SUGP1: variants seen among roughly 807,000 people sequenced by gnomAD.
SUGP1 encodes the protein SURP and G-patch domain-containing protein 1.
In SUGP1, 34 loss-of-function variants were observed where a neutral mutation model predicts 76.5. The observed-to-expected ratio is 0.44, with a 90% CI of 0.34 to 0.59. The LOEUF is 0.59. Ranked by LOEUF, SUGP1 falls within the 20% of genes least tolerant of loss-of-function variation. The pLI is 0.01. For synonymous variants in SUGP1, 326 were observed against 326.2 expected (o/e 1.00, Z 0.01); for missense variants, 752 against 851.7 (o/e 0.88, Z 1.46).
intron 2 of SUGP1, 60 bp from the exon 3 acceptor site, chr19:19,310,260 G>A (rs992161939): frequency 5.3e-6 from 7 of 1,311,324 alleles, no homozygotes; most frequent in Non-Finnish European, 7.7e-6. Flanking sequence ...GAGGGCACCA[G>A]AGGACGAGGA....
chr19:19,296,899 A>G, intron 8 of SUGP1, 90 bp downstream of exon 8: 1 of 1,139,778 alleles, frequency 8.8e-7, no homozygotes, highest in East Asian at 2.6e-5. Flanking sequence ...TTCTGATACA[A>G]GCTACACTGT....
chr19:19,289,536 T>C (rs958314236), intron 8 of SUGP1, among the ~76,000 whole-genome samples: 6 of 152,048 alleles, frequency 3.9e-5, no homozygotes, highest in African/African-American at 1.4e-4. Flanking sequence ...TCATCTGAGG[T>C]CAGGAGTTCA....
intron 7 of SUGP1, among the ~76,000 whole-genome samples, chr19:19,299,430 T>C (rs1371392729): frequency 1.3e-5 from 2 of 152,110 alleles, no homozygotes; most frequent in Non-Finnish European, 2.9e-5. Flanking sequence ...TGGAGTGCAG[T>C]GGCACAATCT....
At chr19:19,285,232 C>A (rs964582306) in intron 8 of SUGP1, among the ~76,000 whole-genome samples, 1 of 150,808 alleles carries the variant, frequency 6.6e-6, no homozygotes, top group Non-Finnish European at 1.5e-5. Flanking sequence ...GTGGAGCAAT[C>A]GTGGCTCACT....
At chr19:19,292,890 C>T (rs1014727004) in intron 8 of SUGP1, among the ~76,000 whole-genome samples, 10 of 151,746 alleles carry the variant, frequency 6.6e-5, no homozygotes, top group African/African-American at 1.5e-4. Context: ...AGTAACCACA[C>T]GATGATTTTA....
In SUGP1 at chr19:19,313,252, G is replaced by A. The variant is rs146363106; in HGVS notation, c.207-3052C>T. 6.6e-5 allele frequency among the ~76,000 whole-genome samples: 10 copies of A among 152,080 alleles called. No individual in the cohort carries two copies. The East Asian group carries it at 1.6e-3, about 24-fold the overall frequency. The stretch of plus-strand genomic sequence containing the variant: ...CTACTAAAAATACAAAAAATTAGCC[G>A]GGCGTGGTAGCGGGCACCTGTAATC... On this transcript the variant is annotated intron_variant, in intron 2 of 13. Coordinates refer to ENST00000247001, the MANE Select transcript of SUGP1 (RefSeq NM_172231.4).
intron 12 of SUGP1, 51 bp from the exon 13 acceptor site, chr19:19,277,127 G>T: frequency 1.3e-6 from 2 of 1,567,098 alleles, no homozygotes; most frequent in South Asian, 1.1e-5. Context: ...AACTCTGGCC[G>T]GGGGGCCGGG....
At chr19:19,304,832 G>A (rs369468216) in intron 4 of SUGP1, among the ~76,000 whole-genome samples, 4 of 152,210 alleles carry the variant, frequency 2.6e-5, no homozygotes, top group East Asian at 1.9e-4. Flanking sequence ...GTAGCCCAAC[G>A]AGGGCCCCTG....
chr19:19,309,936 T>C (rs191090346), intron 3 of SUGP1, among the ~76,000 whole-genome samples, 161 bp downstream of exon 3: 2 of 152,160 alleles, frequency 1.3e-5, no homozygotes, highest in South Asian at 2.1e-4. Flanking sequence ...TTATGTATTA[T>C]TTATTTATTT....
At chr19:19,277,616 C>T in intron 12 of SUGP1, 118 bp downstream of exon 12, 6 of 1,327,962 alleles carry the variant, frequency 4.5e-6, no homozygotes, top group Non-Finnish European at 6.2e-6. Flanking sequence ...CAGTGGGGTG[C>T]TGTGATCATT....
chr19:19,312,366 G>A (rs2061358720), intron 2 of SUGP1, among the ~76,000 whole-genome samples: 1 of 152,168 alleles, frequency 6.6e-6, no homozygotes, highest in Non-Finnish European at 1.5e-5. Context: ...ATAAGGCTGT[G>A]ATCACAGCAC....
At position 19,295,213 on chromosome 19, in the gene SUGP1, CTG is replaced by C. The variant is rs113870687; in HGVS notation, c.1243+1774_1243+1775del. ...CCAGCCTGGTCAACATGGTGAAATC[CTG>C]TCTCTACTACAAAAAAAAAAAAAAT... On this transcript the variant is annotated intron_variant, in intron 8 of 13. Coordinates refer to ENST00000247001, the MANE Select transcript of SUGP1 (RefSeq NM_172231.4). Among the ~76,000 whole-genome samples, 18 of 151,256 alleles carry C rather than the reference CTG, an allele frequency of 1.2e-4. 1 individual carries two copies. Among genetic ancestry groups the C allele is most frequent in the African/African-American group, 4.4e-4 (18 of 40,974 alleles).
chr19:19,288,457 C>T (rs571258563), intron 8 of SUGP1, among the ~76,000 whole-genome samples: 3 of 152,224 alleles, frequency 2.0e-5, no homozygotes, highest in Admixed American at 2.0e-4. Context: ...ACCAATAAGG[C>T]TTCCGGTCAA....
At chr19:19,288,423 G>A (rs951227891) in intron 8 of SUGP1, among the ~76,000 whole-genome samples, 1 of 152,092 alleles carries the variant, frequency 6.6e-6, no homozygotes, top group African/African-American at 2.4e-5. Flanking sequence ...CATATAAAAA[G>A]CATGTTAATC....
chr19:19,299,679 G>A (rs1175941576), intron 7 of SUGP1, among the ~76,000 whole-genome samples: 1 of 151,840 alleles, frequency 6.6e-6, no homozygotes, highest in Non-Finnish European at 1.5e-5. Context: ...ACCGCACCCG[G>A]CCTACTGACT....
Position 19,305,977 on chromosome 19 carries a change from G to C in SUGP1, c.410C>G (p.Ala137Gly), listed in dbSNP as rs1467182969. 1 of 1,611,756 alleles carries C rather than the reference G, an allele frequency of 6.2e-7. No individual in the cohort carries two copies. The change falls in exon 4 of 14, where the codon GCC becomes GGC. Residue 137 changes from alanine (A) to glycine (G), a missense_variant. Ala to Gly is a moderately conservative substitution (Grantham distance 60, BLOSUM62 0). Transcript: ENST00000247001. ...LISRRTGLGL[A>G]SLPGPVKSYS... ...GCTCTTCACAGGGCCCGGCAGGCTG[G>C]CCAGCCCCAGGCCTGTCCGCCTGCT...
intron 2 of SUGP1, 55 bp from the exon 3 acceptor site, chr19:19,310,255 C>A: frequency 1.5e-6 from 2 of 1,353,606 alleles, no homozygotes; most frequent in Non-Finnish European, 2.1e-6. Context: ...GGAGTGAGGG[C>A]ACCAGAGGAC....
chr19:19,300,295 C>T (rs1411471849), intron 7 of SUGP1, among the ~76,000 whole-genome samples: 1 of 147,650 alleles, frequency 6.8e-6, no homozygotes. Context: ...AGGCTGTTCT[C>T]GAACTCCTGA....
intron 3 of SUGP1, among the ~76,000 whole-genome samples, chr19:19,306,719 G>A (rs1440740823): frequency 2.6e-5 from 4 of 152,212 alleles, no homozygotes; most frequent in African/African-American, 4.8e-5. Flanking sequence ...ACCTGTAGGC[G>A]ACCAACCTAC....
Sources: allele counts gnomAD v4.1 joint callset (sites outside exome capture counted in the v4.1 genomes callset), GRCh38; gene constraint gnomAD v4.1.1; transcripts MANE v1.5; gene names NCBI Gene and HGNC (gene_info 2026-07-23, HGNC 2026-07-21).